MYLK3: variants seen among roughly 807,000 people sequenced by gnomAD.
The protein encoded by MYLK3 is myosin light chain kinase 3.
In MYLK3, 55 loss-of-function variants were observed where a neutral mutation model predicts 76.3. That is an observed-to-expected ratio of 0.72 (90% CI 0.58 to 0.90). The LOEUF is 0.90. Among genes scored for constraint, MYLK3 ranks in the 40% least tolerant of loss-of-function variants. The pLI is 0.00. For synonymous variants in MYLK3, 416 were observed against 425.4 expected, an observed-to-expected ratio of 0.98 and a Z score of 0.27; for missense variants, 973 against 1,053.6, an observed-to-expected ratio of 0.92 and a Z score of 1.06.
At chr16:46,747,530 T>A (rs965721595) in intron 1 of MYLK3, among the ~76,000 whole-genome samples, 187 bp downstream of exon 1, 5 of 152,314 alleles carry the variant, frequency 3.3e-5, no homozygotes, top group Admixed American at 3.3e-4. Flanking sequence ...CTGGGGAGAA[T>A]GGCAGGCAGT....
chr16:46,732,543 G>A lies in MYLK3; in HGVS notation c.1127C>T (p.Pro376Leu), dbSNP rs1417315580. 8.7e-6 allele frequency: 14 copies of A among 1,601,904 alleles called. No individual in the cohort carries two copies. The highest frequency in any genetic ancestry group is 1.2e-5 in the Non-Finnish European group (14 of 1,179,740). The change falls in exon 4 of 13, where the codon CCT (proline) becomes CTT (leucine). Residue 376 changes from proline to leucine, a missense_variant. Transcript: ENST00000394809. ...AAAQPGKQGP[P>L]GTGRCLQAPG... ...GGCTTGGAGGCAGCGCCCGGTCCCA[G>A]GTGGGCCCTGCTTGCCTGGCTGGGC...
At chr16:46,736,423 T>C (rs1307402262) in intron 3 of MYLK3, among the ~76,000 whole-genome samples, 1 of 152,206 alleles carries the variant, frequency 6.6e-6, no homozygotes, top group Non-Finnish European at 1.5e-5. Context: ...AGTGATCTCC[T>C]CTCTTCCTGA....
Position 46,719,345 on chromosome 16 carries a change from A to T in MYLK3, c.1985+1778T>A, listed in dbSNP as rs541958127. Among the ~76,000 whole-genome samples, 295 of 152,046 alleles carry T rather than the reference A, an allele frequency of 1.9e-3. 2 individuals are homozygous for T. Among genetic ancestry groups the T allele is most frequent in the African/African-American group, 6.7e-3 (279 of 41,488 alleles). ...CGGTCTCAAAAAAAAAAAAAAAAGA[A>T]GATATGTGATTCCCAGAGAAATGTC... On this transcript the variant is annotated intron_variant, in intron 9 of 12. Transcript: ENST00000394809.
At chr16:46,723,265 A>T (rs1966817143) in intron 8 of MYLK3, among the ~76,000 whole-genome samples, 1 of 152,148 alleles carries the variant, frequency 6.6e-6, no homozygotes, top group South Asian at 2.1e-4. Flanking sequence ...GATTTCTTTC[A>T]CTTACCAGAA....
intron 7 of MYLK3, 58 bp from the exon 8 acceptor site, chr16:46,727,435 C>T: frequency 6.5e-7 from 1 of 1,547,094 alleles, no homozygotes; most frequent in Non-Finnish European, 8.8e-7. Flanking sequence ...CAGGGCTTGT[C>T]CACTGTCATT....
In MYLK3 at chr16:46,707,358, G is replaced by A. The variant is rs114189226; in HGVS notation, c.*346C>T. 633 of 187,572 alleles carry A rather than the reference G, an allele frequency of 3.4e-3. 2 individuals are homozygous for A. Among genetic ancestry groups the A allele is most frequent in the African/African-American group, 0.014 (590 of 42,808 alleles). 11.6% of individuals were successfully genotyped at this position (187,572 alleles called of 1,614,324 possible). A position where few individuals can be genotyped will look rare whatever the true frequency, so the allele number is the denominator to read the frequency against. On this transcript the variant is annotated 3_prime_UTR_variant, in exon 13 of 13. Coordinates refer to ENST00000394809, the MANE Select transcript of MYLK3 (RefSeq NM_182493.3). ...CACTGAATAACATGGCCCCTGCAAA[G>A]TAGTCTACTGAGTTCCTTAATCAGT...
intron 1 of MYLK3, among the ~76,000 whole-genome samples, 191 bp from the exon 2 acceptor site, chr16:46,740,338 C>A (rs536564522): frequency 4.4e-4 from 67 of 151,966 alleles, no homozygotes; most frequent in Non-Finnish European, 9.1e-4. Context: ...GCCTTCCCAA[C>A]GTCATAAAAT....
intron 6 of MYLK3, 130 bp downstream of exon 6, chr16:46,729,464 A>G (rs1966848214): frequency 1.2e-6 from 1 of 840,614 alleles, no homozygotes; most frequent in Admixed American, 2.1e-5. Context: ...GCCTGACTGG[A>G]GGGTGGGAAT....
chr16:46,740,389 C>T (rs36463), intron 1 of MYLK3, among the ~76,000 whole-genome samples: 148,398 of 151,820 alleles, frequency 0.98, 72,604 homozygotes, highest in East Asian at 1. Context: ...AGAACCACCT[C>T]CTTTTCCAGG....
chr16:46,726,744 G>C (rs544333443), intron 8 of MYLK3: 1 of 134,412 alleles, frequency 7.4e-6, no homozygotes, highest in Non-Finnish European at 1.6e-5. Context: ...AAAAGAAAGA[G>C]AGAGAGAAAG....
chr16:46,732,895 C>A (rs1966855622), intron 3 of MYLK3, among the ~76,000 whole-genome samples: 1 of 152,180 alleles, frequency 6.6e-6, no homozygotes, highest in African/African-American at 2.4e-5. Context: ...GGGTGAGGAC[C>A]ATACACCCCT....
intron 6 of MYLK3, 40 bp from the exon 7 acceptor site, chr16:46,729,173 G>C (rs1311176515): frequency 6.7e-7 from 1 of 1,499,960 alleles, no homozygotes; most frequent in South Asian, 1.1e-5. Flanking sequence ...CCAAGCGAAT[G>C]AGTCAAGAAG....
At chr16:46,749,603 G>A (rs193063709), upstream of MYLK3, among the ~76,000 whole-genome samples, 1 of 152,256 alleles carries the variant, frequency 6.6e-6, no homozygotes, top group African/African-American at 2.4e-5. Context: ...CAAAAAATAA[G>A]CCAGGCGTGG....
At chr16:46,737,660 G>C (rs1966875461) in intron 3 of MYLK3, 51 bp downstream of exon 3, 2 of 1,520,302 alleles carry the variant, frequency 1.3e-6, no homozygotes, top group African/African-American at 2.7e-5. Context: ...GCTCCAGCGA[G>C]GGGCCACAGT....
intron 3 of MYLK3, among the ~76,000 whole-genome samples, chr16:46,734,476 T>C (rs1966859596): frequency 6.6e-6 from 1 of 152,116 alleles, no homozygotes; most frequent in Non-Finnish European, 1.5e-5. Context: ...TAGCTGAGTG[T>C]GGTGGCACGT....
In MYLK3 at chr16:46,709,603, C is replaced by T. The variant is rs1596744316; in HGVS notation, c.2336G>A (p.Arg779Lys). The change falls in exon 12 of 13, where the codon AGA becomes AAA. Residue 779 changes from arginine (R) to lysine (K), a missense_variant. Physicochemically the swap from Arg to Lys is conservative, Grantham distance 26 (BLOSUM62 2). Transcript: ENST00000394809. ...TTGGGATTTGAGACGAGTTTTGGATCTTGAAGCTTTGGCAGGCAAATTATT... is the reference window on the plus strand; with the variant it reads ...TTGGGATTTGAGACGAGTTTTGGATTTTGAAGCTTTGGCAGGCAAATTATT... ...WLNNLPAKAS[R>K]SKTRLKSQLL... 3 of 1,614,172 alleles carry T rather than the reference C, an allele frequency of 1.9e-6. No homozygotes were observed. The highest frequency in any genetic ancestry group is 2.5e-6 in the Non-Finnish European group (3 of 1,180,026).
Position 46,702,505 on chromosome 16 carries a change from A to G in MYLK3, c.*5199T>C, listed in dbSNP as rs1041121973. Among the ~76,000 whole-genome samples the G allele has an allele frequency of 3.9e-5, 6 of 152,214 alleles. No homozygotes were observed. The highest frequency in any genetic ancestry group is 9.6e-5 in the African/African-American group (4 of 41,458). ...ATCACACCTCACAAAATTAATAGTA[A>G]CTATCATCAAATGTGAAATTCATAA... On this transcript the variant is annotated 3_prime_UTR_variant, in exon 13 of 13. Transcript: ENST00000394809.
At chr16:46,757,446 C>G (rs766801996) in intron 1 of MYLK3, 14 of 985,342 alleles carry the variant, frequency 1.4e-5, no homozygotes, top group Non-Finnish European at 8.4e-6. Flanking sequence ...TGTAACCCGA[C>G]GCCCGCTGCT....
At chr16:46,746,935 A>T (rs1967036312) in intron 1 of MYLK3, among the ~76,000 whole-genome samples, 1 of 152,278 alleles carries the variant, frequency 6.6e-6, no homozygotes, top group Admixed American at 6.5e-5. Flanking sequence ...GCCGACACAG[A>T]GTCAAGCACG....
Sources: gnomAD v4.1 joint callset for allele counts (sites outside exome capture counted in the v4.1 genomes callset) on GRCh38, gnomAD v4.1.1 for gene constraint, MANE v1.5 for transcripts, NCBI Gene and HGNC (gene_info 2026-07-23, HGNC 2026-07-21) for gene names.